SORD: variants seen among roughly 807,000 people sequenced by gnomAD.
The protein encoded by SORD is sorbitol dehydrogenase.
A neutral mutation model predicts 35.6 loss-of-function variants in SORD; 18 were observed. That is an observed-to-expected ratio of 0.51 (90% CI 0.35 to 0.75). The LOEUF is 0.75. Ranked by LOEUF, SORD falls within the 30% of genes least tolerant of loss-of-function variation. The probability of loss-of-function intolerance (pLI) is 0.01; values close to 1 mark genes in which losing one functional copy is unlikely to be tolerated. For missense variants in SORD, 250 were observed against 390.2 expected (o/e 0.64, Z 3.03); for synonymous variants, 106 against 152.9 (o/e 0.69, Z 2.26).
intron 1 of SORD, among the ~76,000 whole-genome samples, chr15:45,035,120 A>T (rs981346686): frequency 1.1e-4 from 17 of 151,906 alleles, no homozygotes; most frequent in African/African-American, 4.1e-4. Flanking sequence ...CCTTCCCCCG[A>T]CTCCGTGGGC....
At chr15:45,042,527 T>TAAATAAAGAAAG (rs1409982883) in intron 2 of SORD, 1 of 145,514 alleles carries the variant, frequency 6.9e-6, no homozygotes, top group Admixed American at 6.8e-5. Flanking sequence ...AATAAATAAA[T>TAAATAAAGAAAG]AAAGGAAAGA....
intron 2 of SORD, among the ~76,000 whole-genome samples, chr15:45,040,860 T>C (rs1892955243): frequency 6.6e-6 from 1 of 152,286 alleles, no homozygotes; most frequent in Non-Finnish European, 1.5e-5. Flanking sequence ...CAGAACTTAA[T>C]CTTTAGCAAA....
At chr15:45,041,881 C>T (rs1595499079) in intron 2 of SORD, 1 of 152,344 alleles carries the variant, frequency 6.6e-6, no homozygotes, top group African/African-American at 2.4e-5. Context: ...TCTAATCTCT[C>T]ACTACCAATT....
intron 3 of SORD, among the ~76,000 whole-genome samples, chr15:45,057,862 T>G (rs1330807226): frequency 2.0e-5 from 3 of 151,968 alleles, no homozygotes; most frequent in Non-Finnish European, 2.9e-5. Context: ...GAGAGGAGGG[T>G]ATTCACTGAG....
intron 1 of SORD, among the ~76,000 whole-genome samples, chr15:45,032,611 A>G (rs995997379): frequency 1.3e-5 from 2 of 152,188 alleles, no homozygotes; most frequent in African/African-American, 2.4e-5. Context: ...GGGGTTTAGG[A>G]GTCTCCAGGG....
At chr15:45,059,891 T>C (rs1049136243) in intron 3 of SORD, among the ~76,000 whole-genome samples, 1 of 152,208 alleles carries the variant, frequency 6.6e-6, no homozygotes. Context: ...TATGATCCCA[T>C]TTTTGTGATG....
chr15:45,064,358 G>C (rs184902960), intron 4 of SORD, among the ~76,000 whole-genome samples: 49 of 152,160 alleles, frequency 3.2e-4, no homozygotes, highest in Middle Eastern at 3.4e-3. Flanking sequence ...GTAAACTAAG[G>C]GTTTTCTAAA....
intron 4 of SORD, among the ~76,000 whole-genome samples, chr15:45,064,068 G>A (rs1049677915): frequency 5.4e-5 from 8 of 149,300 alleles, no homozygotes; most frequent in African/African-American, 2.0e-4. Flanking sequence ...ATGGGGATGA[G>A]CACATGGTTT....
chr15:45,040,552 A>C, intron 2 of SORD, 111 bp downstream of exon 2: 2 of 844,944 alleles, frequency 2.4e-6, no homozygotes, highest in Non-Finnish European at 2.0e-6. Flanking sequence ...TTACTTTTGC[A>C]TCCATTAAAA....
At chr15:45,037,910 T>A (rs1892895480) in intron 1 of SORD, among the ~76,000 whole-genome samples, 1 of 151,612 alleles carries the variant, frequency 6.6e-6, no homozygotes, top group African/African-American at 2.4e-5. Context: ...ATGGCACATG[T>A]ATACTTATGT....
At chr15:45,064,705 C>T (rs1566964265) in intron 4 of SORD, among the ~76,000 whole-genome samples, 2 of 152,170 alleles carry the variant, frequency 1.3e-5, no homozygotes, top group Admixed American at 6.5e-5. Context: ...TTCTACAAAA[C>T]TGGTGATAGT....
rs1425581239 is a variant in SORD, at chr15:45,048,814, T to C, written c.265+5393T>C. On this transcript the variant is annotated intron_variant, in intron 3 of 8. Transcript: ENST00000267814. The stretch of plus-strand genomic sequence containing the variant: ...GGAGGGGGCAGCAAAAGAGGGTTGC[T>C]GTTTCACAGTTGAATACAAAGGTTT... Among the ~76,000 whole-genome samples, 3 of 152,330 alleles carry C rather than the reference T, an allele frequency of 2.0e-5. No homozygotes were observed. In the South Asian group the frequency reaches 6.2e-4, roughly 32 times the overall value.
intron 3 of SORD, among the ~76,000 whole-genome samples, chr15:45,059,966 A>C (rs1893276595): frequency 6.6e-6 from 1 of 152,168 alleles, no homozygotes; most frequent in African/African-American, 2.4e-5. Context: ...TCCTCTGGGG[A>C]TGGGGCTGGG....
At chr15:45,063,530 C>G (rs1893356941) in intron 4 of SORD, among the ~76,000 whole-genome samples, 1 of 152,086 alleles carries the variant, frequency 6.6e-6, no homozygotes, top group Non-Finnish European at 1.5e-5. Flanking sequence ...CTTGTACATG[C>G]TTCTGCCTCC....
At chr15:45,060,635 A>G (rs956133520) in intron 3 of SORD, among the ~76,000 whole-genome samples, 2 of 152,200 alleles carry the variant, frequency 1.3e-5, no homozygotes, top group African/African-American at 4.8e-5. Context: ...TTCCAAACAG[A>G]TGAAGAAAAA....
intron 1 of SORD, among the ~76,000 whole-genome samples, chr15:45,028,569 A>C (rs1892718114): frequency 6.6e-6 from 1 of 152,264 alleles, no homozygotes; most frequent in Non-Finnish European, 1.5e-5. Flanking sequence ...TGTTATGATC[A>C]GCTATATGAG....
intron 1 of SORD, among the ~76,000 whole-genome samples, chr15:45,039,409 T>G (rs1301317407): frequency 6.6e-6 from 1 of 152,218 alleles, no homozygotes; most frequent in Non-Finnish European, 1.5e-5. Flanking sequence ...ATTACAGGCA[T>G]GAGACACTGT....
At position 45,075,806 on chromosome 15, in the gene SORD, TAGG is replaced by T. The variant is rs1886357205; in HGVS notation, c.*2279_*2281del. The T allele has an allele frequency of 2.2e-5, 1 of 45,554 alleles. No homozygotes were observed. Among genetic ancestry groups the T allele is most frequent in the Non-Finnish European group, 3.3e-5 (1 of 30,028 alleles). 2.8% of individuals were successfully genotyped at this position (45,554 alleles called of 1,614,324 possible). On this transcript the variant is annotated 3_prime_UTR_variant, in exon 9 of 9. Transcript: ENST00000267814. ...CCCAACAGGCCTCCTGCACACACAA[TAGG>T]AGTCAGGAGGGAGGAGGCAGGACTG...
chr15:45,035,464 T>TG (rs1300425891), intron 1 of SORD, among the ~76,000 whole-genome samples: 9 of 151,530 alleles, frequency 5.9e-5, no homozygotes, highest in East Asian at 3.9e-4. Context: ...CTAGCTAATC[T>TG]GGGGGGGAGG....
Sources: gnomAD v4.1 joint callset for allele counts (sites outside exome capture counted in the v4.1 genomes callset) on GRCh38, gnomAD v4.1.1 for gene constraint, MANE v1.5 for transcripts, NCBI Gene and HGNC (gene_info 2026-07-23, HGNC 2026-07-21) for gene names.